The following ZRSR2 variants were observed in gnomAD, a reference collection of about 807,000 sequenced individuals.
The protein encoded by ZRSR2 is U2 small nuclear ribonucleoprotein auxiliary factor 35 kDa subunit-related protein 2.
ZRSR2 carries 3 observed loss-of-function variants against 39.4 expected under a neutral mutation model. That is an observed-to-expected ratio of 0.08 (90% CI 0.03 to 0.20). ZRSR2 has a LOEUF of 0.20. Among genes scored for constraint, ZRSR2 ranks in the 10% least tolerant of loss-of-function variants. The pLI is 1.00. For missense variants in ZRSR2, 256 were observed against 391.5 expected (o/e 0.65, Z 2.92); for synonymous variants, 137 against 136.0 (o/e 1.01, Z -0.05).
rs1231306007 is a variant in ZRSR2 at position 15,814,511 on chromosome X, G to T, written c.558-1166G>T. Among the ~76,000 whole-genome samples the T allele has an allele frequency of 2.7e-5, 3 of 111,784 alleles. No homozygotes were observed. In the Admixed American group the frequency reaches 2.9e-4, roughly 11 times the overall value. The stretch of plus-strand genomic sequence containing the variant: ...GTGGTGGCATACGCCTATGGCATGC[G>T]CCAGCTACTCAAGATGCTGAGGCAG... On this transcript the variant is annotated intron_variant, in intron 7 of 10. Transcript: ENST00000307771.
intron 4 of ZRSR2, 80 bp downstream of exon 4, chrX:15,803,876 G>A (rs1932750026): frequency 1.8e-6 from 2 of 1,139,808 alleles, no homozygotes; most frequent in Admixed American, 5.3e-5. Context: ...CCTATCTTGG[G>A]AGGTTGGAGT....
chrX:15,819,023 C>T (rs947829607), intron 9 of ZRSR2, among the ~76,000 whole-genome samples: 2 of 110,050 alleles, frequency 1.8e-5, no homozygotes, highest in Non-Finnish European at 3.8e-5. Flanking sequence ...CCACCCACCT[C>T]GGCCTCCCAA....
At chrX:15,822,614 A>G in intron 10 of ZRSR2, 117 bp from the exon 11 acceptor site, 2 of 1,145,000 alleles carry the variant, frequency 1.7e-6, no homozygotes, top group East Asian at 3.0e-5. Context: ...TACATAATAC[A>G]CAGTAGAAAA....
Position 15,822,841 on chromosome X carries a change from C to G in ZRSR2, c.1048C>G (p.Pro350Ala), listed in dbSNP as rs767984383. Residue 350 changes from proline to alanine, a missense_variant, in exon 11 of 11, where the codon CCA becomes GCA. By Grantham distance (27) the Pro-to-Ala change is conservative (BLOSUM62 -1). Transcript: ENST00000307771. The part of the protein sequence containing the change: ...WEANRDIYLS[P>A]DRTGSSFGKN... ...AGCTAATAGAGACATCTACTTGTCT[C>G]CAGATCGGACTGGCTCCTCCTTTGG... 8.3e-7 allele frequency: 1 copy of G among 1,211,034 alleles called. No homozygotes were observed. Among genetic ancestry groups the G allele is most frequent in the African/African-American group, 1.7e-5 (1 of 57,494 alleles).
intron 3 of ZRSR2, chrX:15,801,436 T>C (rs1363696785): frequency 3.5e-6 from 1 of 284,181 alleles, no homozygotes; most frequent in Non-Finnish European, 6.8e-6. Flanking sequence ...TTTCACCATG[T>C]TGGCCAGGAT....
intron 2 of ZRSR2, among the ~76,000 whole-genome samples, chrX:15,793,910 A>C (rs1468828696): frequency 8.9e-6 from 1 of 112,586 alleles, no homozygotes; most frequent in Non-Finnish European, 1.9e-5. Context: ...TGTTGAGTGT[A>C]ACTATGAGAG....
At chrX:15,811,298 C>T (rs990636350) in intron 7 of ZRSR2, among the ~76,000 whole-genome samples, 2 of 112,295 alleles carry the variant, frequency 1.8e-5, no homozygotes, top group African/African-American at 6.5e-5. Flanking sequence ...TGTAAGTTCA[C>T]ATTTGCATGG....
At chrX:15,803,484 A>G (rs1187739029) in intron 3 of ZRSR2, among the ~76,000 whole-genome samples, 2 of 111,171 alleles carry the variant, frequency 1.8e-5, no homozygotes, top group Non-Finnish European at 3.8e-5. Context: ...GTTATTACCC[A>G]TTAGGAAGAT....
chrX:15,805,367 C>T (rs780208686), intron 5 of ZRSR2, among the ~76,000 whole-genome samples: 12 of 111,871 alleles, frequency 1.1e-4, no homozygotes, highest in Non-Finnish European at 1.9e-4. Context: ...TTCAGGAATT[C>T]AGTAACAGCT....
chrX:15,795,357 G>C (rs1395358210), intron 2 of ZRSR2, among the ~76,000 whole-genome samples: 2 of 110,855 alleles, frequency 1.8e-5, no homozygotes, highest in Non-Finnish European at 1.9e-5. Flanking sequence ...ATGAGCTTTA[G>C]AGGTTCTTAC....
At chrX:15,807,736 T>A (rs1011328002) in intron 5 of ZRSR2, among the ~76,000 whole-genome samples, 7 of 111,056 alleles carry the variant, frequency 6.3e-5, no homozygotes, top group Admixed American at 2.9e-4. Flanking sequence ...ATTTTCTATT[T>A]GAATAGAACG....
At chrX:15,796,943 A>G (rs1241852990) in intron 2 of ZRSR2, among the ~76,000 whole-genome samples, 1 of 107,572 alleles carries the variant, frequency 9.3e-6, no homozygotes, top group African/African-American at 3.4e-5. Flanking sequence ...ACAGGCGTGC[A>G]CCACCACACC....
chrX:15,815,585 G>T, intron 7 of ZRSR2, 92 bp from the exon 8 acceptor site: 2 of 792,728 alleles, frequency 2.5e-6, no homozygotes, highest in Non-Finnish European at 3.7e-6. Context: ...GGGATTACAG[G>T]CGTGAGCCAC....
intron 2 of ZRSR2, among the ~76,000 whole-genome samples, chrX:15,795,088 TCC>T (rs35705626): frequency 0.4 from 23,951 of 59,191 alleles, 3,892 homozygotes; most frequent in East Asian, 0.74. Flanking sequence ...CCTGCACTTT[TCC>T]CCCCCCCCCA....
In ZRSR2 at chrX:15,791,316, A is replaced by G. The variant is rs778739237; in HGVS notation, c.121+303A>G. Among the ~76,000 whole-genome samples the G allele has an allele frequency of 6.2e-5, 7 of 112,286 alleles. No individual in the cohort carries two copies. In the East Asian group the frequency reaches 1.4e-3, roughly 22 times the overall value. On this transcript the variant is annotated intron_variant, in intron 2 of 10. Transcript: ENST00000307771. Reference sequence around the variant, plus strand: ...CTAGCACAGTCCTTGCACACGTAGTAAGTATTCGGTGAATGTTTTTCTTCG... The same window carrying G: ...CTAGCACAGTCCTTGCACACGTAGTGAGTATTCGGTGAATGTTTTTCTTCG...
chrX:15,821,332 A>T (rs1487097781), intron 10 of ZRSR2, among the ~76,000 whole-genome samples: 3 of 87,090 alleles, frequency 3.4e-5, no homozygotes, highest in Non-Finnish European at 2.4e-5. Flanking sequence ...CTATTTCATT[A>T]AAAAAAAAAA....
chrX:15,823,047 C>A lies in ZRSR2; in HGVS notation c.1254C>A (p.His418Gln), dbSNP rs767779874. 1 of 1,210,278 alleles carries A rather than the reference C, an allele frequency of 8.3e-7. No homozygotes were observed. Among genetic ancestry groups the A allele is most frequent in the Non-Finnish European group, 1.1e-6 (1 of 895,199 alleles). Residue 418 changes from histidine (H) to glutamine (Q), a missense_variant, in exon 11 of 11, where the codon CAC (histidine) becomes CAA (glutamine). Physicochemically the swap from His to Gln is conservative, Grantham distance 24. Coordinates refer to ENST00000307771, the MANE Select transcript of ZRSR2 (RefSeq NM_005089.4). ...HKRTSKSRER[H>Q]NSRSRGRNRD... ...GCACATCAAAGAGTCGGGAGAGGCA[C>A]AATTCACGAAGCAGAGGAAGAAATA...
At chrX:15,797,457 G>A (rs189111056) in intron 2 of ZRSR2, among the ~76,000 whole-genome samples, 9 of 110,411 alleles carry the variant, frequency 8.2e-5, no homozygotes, top group African/African-American at 2.0e-4. Flanking sequence ...TGATCCGCCC[G>A]CCTTGGCCTC....
At chrX:15,803,994 CA>C in intron 4 of ZRSR2, 116 bp from the exon 5 acceptor site, 1 of 779,513 alleles carries the variant, frequency 1.3e-6, no homozygotes, top group Non-Finnish European at 1.7e-6. Flanking sequence ...AAAAAAAAAA[CA>C]AAAAACTGAT....
Sources: allele counts gnomAD v4.1 joint callset (sites outside exome capture counted in the v4.1 genomes callset), GRCh38; gene constraint gnomAD v4.1.1; transcripts MANE v1.5; gene names NCBI Gene and HGNC (gene_info 2026-07-23, HGNC 2026-07-21).